Variants in PCOLCE observed in about 807,000 individuals in gnomAD.
PCOLCE encodes procollagen C-endopeptidase enhancer.
A neutral mutation model predicts 47.2 loss-of-function variants in PCOLCE; 33 were observed. The observed-to-expected ratio is 0.70, with a 90% CI of 0.53 to 0.93. The LOEUF (loss-of-function observed/expected upper bound fraction) is 0.93. Ranked by LOEUF, PCOLCE falls within the 40% of genes least tolerant of loss-of-function variation. The pLI is 0.00. For missense variants in PCOLCE, 584 were observed against 585.3 expected, an observed-to-expected ratio of 1.00 and a Z score of 0.02; for synonymous variants, 254 against 252.5, an observed-to-expected ratio of 1.01 and a Z score of -0.06.
chr7:100,602,977 G>T, intron 1 of PCOLCE: 1 of 216,872 alleles, frequency 4.6e-6, no homozygotes, highest in South Asian at 9.3e-5. Flanking sequence ...TGGAGCTCGC[G>T]GAGCCTGGCC....
rs139088599 is a variant in PCOLCE at position 100,605,117 on chromosome 7, G to C, written c.490G>C (p.Glu164Gln). ...GCACCAATTTTGCGGGGGGCGGCTG[G>C]AGAAGGCCCAGGGAACCCTGACCAC... Reference protein sequence around the residue: ...TEHQFCGGRLEKAQGTLTTPN... With the variant: ...TEHQFCGGRLQKAQGTLTTPN... The change falls in exon 4 of 9, where the codon GAG (glutamate) becomes CAG (glutamine). Residue 164 changes from glutamate (E) to glutamine (Q), a missense_variant. Coordinates refer to ENST00000223061, the MANE Select transcript of PCOLCE (RefSeq NM_002593.4). The surrounding 1 kb of genome is among the most constrained non-coding windows in gnomAD (Gnocchi z 6.1). 11 of 1,612,414 alleles carry C rather than the reference G, an allele frequency of 6.8e-6. No individual in the cohort carries two copies. The highest frequency in any genetic ancestry group is 5.3e-5 in the African/African-American group (4 of 74,872).
At chr7:100,602,652 C>T in intron 1 of PCOLCE, 101 bp downstream of exon 1, 1 of 767,608 alleles carries the variant, frequency 1.3e-6, no homozygotes, top group South Asian at 1.4e-5. Context: ...TGCTGACACA[C>T]CACTCCCCAG....
Position 100,605,037 on chromosome 7 carries a change from G to A in PCOLCE, c.464-54G>A. The A allele has an allele frequency of 7.0e-7, 1 of 1,419,950 alleles. No homozygotes were observed. Among genetic ancestry groups the A allele is most frequent in the East Asian group, 2.3e-5 (1 of 43,344 alleles). 88.0% of individuals were successfully genotyped at this position (1,419,950 alleles called of 1,614,324 possible). Reference sequence around the variant, plus strand: ...GCTCCCAGCCTAGAGTTCTCCTGAAGCTGACCGAGGGTCTCCACCGCCCCC... The same window carrying A: ...GCTCCCAGCCTAGAGTTCTCCTGAAACTGACCGAGGGTCTCCACCGCCCCC... On this transcript the variant is annotated intron_variant, in intron 3 of 8. Coordinates refer to ENST00000223061, the MANE Select transcript of PCOLCE (RefSeq NM_002593.4). The surrounding 1 kb of genome is among the most constrained non-coding windows in gnomAD (Gnocchi z 6.1).
chr7:100,607,234 C>T (rs1333095159), intron 6 of PCOLCE, among the ~76,000 whole-genome samples: 1 of 152,148 alleles, frequency 6.6e-6, no homozygotes, highest in Non-Finnish European at 1.5e-5. Context: ...CAGAGCAAAA[C>T]TCCATCTTAA....
chr7:100,607,345 C>T (rs546523286), intron 6 of PCOLCE, 107 bp from the exon 7 acceptor site: 75 of 862,820 alleles, frequency 8.7e-5, no homozygotes, highest in Middle Eastern at 7.4e-4. Flanking sequence ...GTGCTAGGAC[C>T]GGAAGCCTGA....
At position 100,603,452 on chromosome 7, in the gene PCOLCE, G is replaced by C; in HGVS notation, c.118G>C (p.Asp40His). 1 of 1,604,850 alleles carries C rather than the reference G, an allele frequency of 6.2e-7. No homozygotes were observed. Among genetic ancestry groups the C allele is most frequent in the East Asian group, 2.3e-5 (1 of 44,190 alleles). ...YTRPVFLCGG[D>H]VKGESGYVAS... is the part of the protein sequence containing the mutation. The stretch of plus-strand genomic sequence containing the variant: ...CAGACCCGTGTTCCTGTGCGGAGGG[G>C]ATGTGAAGGGGGAATCAGGTTACGT... The change falls in exon 2 of 9, where the codon GAT becomes CAT. Residue 40 changes from aspartate to histidine, a missense_variant. Coordinates refer to ENST00000223061, the MANE Select transcript of PCOLCE (RefSeq NM_002593.4).
At chr7:100,607,836 G>C (rs1477559472) in intron 8 of PCOLCE, 29 bp downstream of exon 8, 1 of 1,613,620 alleles carries the variant, frequency 6.2e-7, no homozygotes, top group African/African-American at 1.3e-5. Flanking sequence ...AATGGGGATG[G>C]GTCAAGCTAA....
chr7:100,608,128 G>A lies in PCOLCE; in HGVS notation c.*25G>A. On this transcript the variant is annotated 3_prime_UTR_variant, in exon 9 of 9. Transcript: ENST00000223061. ...AGACGCAGGCCAGCCCCGGCCCCTA[G>A]CCCTCAGGCCTTCTTTCTTATCCAA... is the stretch of plus-strand genomic sequence containing the variant. The A allele has an allele frequency of 1.9e-6, 3 of 1,597,168 alleles. No homozygotes were observed. Among genetic ancestry groups the A allele is most frequent in the Non-Finnish European group, 2.6e-6 (3 of 1,170,834 alleles).
In PCOLCE at chr7:100,605,904, G is replaced by C. The variant is rs1484946187; in HGVS notation, c.725+92G>C. ...GGGGCGGGGTTCAGCTAAAGGGACGGGATCTGAACCCCAGGGCTCCAAACC... is the reference window on the plus strand; with the variant it reads ...GGGGCGGGGTTCAGCTAAAGGGACGCGATCTGAACCCCAGGGCTCCAAACC... On this transcript the variant is annotated intron_variant, in intron 5 of 8. Transcript: ENST00000223061. This position sits in a 1 kb window ranked among gnomAD's most constrained non-coding sequence, Gnocchi z 6.1. The C allele has an allele frequency of 3.6e-6, 5 of 1,370,944 alleles. No individual in the cohort carries two copies. In the African/African-American group the frequency reaches 5.8e-5, roughly 16 times the overall value. 84.9% of individuals were successfully genotyped at this position (1,370,944 alleles called of 1,614,324 possible). A position where few individuals can be genotyped will look rare whatever the true frequency, so the allele number is the denominator to read the frequency against.
chr7:100,602,401 G>A lies in PCOLCE; in HGVS notation c.-56G>A. The A allele has an allele frequency of 8.4e-7, 1 of 1,189,720 alleles. No homozygotes were observed. The highest frequency in any genetic ancestry group is 1.2e-5 in the South Asian group (1 of 82,860). The allele number at this position is 1,189,720 out of a possible 1,614,324, so 73.7% of individuals were successfully genotyped here. A position where few individuals can be genotyped will look rare whatever the true frequency, so the allele number is the denominator to read the frequency against. ...CTGCCGCCACCGCTGCTGCTGCTCTGCAAAATTCAGCTGCTGCCTCTGTCT... is the reference window on the plus strand; with the variant it reads ...CTGCCGCCACCGCTGCTGCTGCTCTACAAAATTCAGCTGCTGCCTCTGTCT... On this transcript the variant is annotated 5_prime_UTR_variant, in exon 1 of 9. Coordinates refer to ENST00000223061, the MANE Select transcript of PCOLCE (RefSeq NM_002593.4).
chr7:100,604,577 G>T lies in PCOLCE; in HGVS notation c.463+360G>T. 2.5e-6 allele frequency: 1 copy of T among 397,624 alleles called. No individual in the cohort carries two copies. Among genetic ancestry groups the T allele is most frequent in the Admixed American group, 4.2e-5 (1 of 23,738 alleles). The allele number at this position is 397,624 out of a possible 1,614,324, so 24.6% of individuals were successfully genotyped here. On this transcript the variant is annotated intron_variant, in intron 3 of 8. Transcript: ENST00000223061. The surrounding 1 kb of genome is among the most constrained non-coding windows in gnomAD (Gnocchi z 6.4). ...CGAGGGGGCACCCCAGGGCTGGGGGGACTAGGTTCCTCCAACCCCGGGGGG... is the reference window on the plus strand; with the variant it reads ...CGAGGGGGCACCCCAGGGCTGGGGGTACTAGGTTCCTCCAACCCCGGGGGG...
In PCOLCE at chr7:100,605,107, G is replaced by C. The variant is rs1315833741; in HGVS notation, c.480G>C (p.Gly160=). 6.2e-7 allele frequency: 1 copy of C among 1,611,940 alleles called. No homozygotes were observed. The highest frequency in any genetic ancestry group is 2.2e-5 in the East Asian group (1 of 44,852). The change falls in exon 4 of 9, where the codon GGG becomes GGC. Residue 160 remains glycine, a synonymous_variant. Coordinates refer to ENST00000223061, the MANE Select transcript of PCOLCE (RefSeq NM_002593.4). This position sits in a 1 kb window ranked among gnomAD's most constrained non-coding sequence, Gnocchi z 6.1. ...CCTCCCCAGAGCACCAATTTTGCGG[G>C]GGGCGGCTGGAGAAGGCCCAGGGAA... ...ATSGTEHQFC[G]GRLEKAQGTL... is the part of the protein sequence containing the mutation.
chr7:100,604,966 C>T lies in PCOLCE; in HGVS notation c.464-125C>T, dbSNP rs1802686317. The T allele has an allele frequency of 1.6e-6, 1 of 641,024 alleles. No individual in the cohort carries two copies. The highest frequency in any genetic ancestry group is 1.8e-5 in the African/African-American group (1 of 54,720). The allele number at this position is 641,024 out of a possible 1,614,324, so 39.7% of individuals were successfully genotyped here. ...TGCCCCCATCTTACCTCCCCTTCTT[C>T]TCGTCCCCTCATCCTGAGCCCCAGA... On this transcript the variant is annotated intron_variant, in intron 3 of 8. Transcript: ENST00000223061. The surrounding 1 kb of genome is among the most constrained non-coding windows in gnomAD (Gnocchi z 6.4).
intron 6 of PCOLCE, among the ~76,000 whole-genome samples, chr7:100,607,126 A>G (rs1385707396): frequency 6.8e-6 from 1 of 147,762 alleles, no homozygotes; most frequent in East Asian, 1.9e-4. Context: ...GCGTGTGGTC[A>G]TAGCTACTCC....
At chr7:100,603,158 C>CG in intron 1 of PCOLCE, 1 of 350,758 alleles carries the variant, frequency 2.9e-6, no homozygotes, top group Non-Finnish European at 5.0e-6. Context: ...AGGAGGATTC[C>CG]GGGAATTCCT....
intron 1 of PCOLCE, 177 bp downstream of exon 1, chr7:100,602,728 C>T: frequency 3.3e-6 from 2 of 604,090 alleles, no homozygotes; most frequent in Non-Finnish European, 5.9e-6. Flanking sequence ...ACCTTGGTCT[C>T]CTGCAGGCCA....
Position 100,605,961 on chromosome 7 carries a change from G to C in PCOLCE, c.725+149G>C. 8 of 912,590 alleles carry C rather than the reference G, an allele frequency of 8.8e-6. No homozygotes were observed. The highest frequency in any genetic ancestry group is 1.1e-5 in the Non-Finnish European group (7 of 619,182). The allele number at this position is 912,590 out of a possible 1,614,324, so 56.5% of individuals were successfully genotyped here. A position where few individuals can be genotyped will look rare whatever the true frequency, so the allele number is the denominator to read the frequency against. ...GGGAGCAGGTTGGAGGCCAGGCAAA[G>C]AGGAGATTTGGCCCCGGGTCTGGGG... On this transcript the variant is annotated intron_variant, in intron 5 of 8. Transcript: ENST00000223061. This position sits in a 1 kb window ranked among gnomAD's most constrained non-coding sequence, Gnocchi z 6.1.
chr7:100,605,406 G>A lies in PCOLCE; in HGVS notation c.588+191G>A. 1 of 679,760 alleles carries A rather than the reference G, an allele frequency of 1.5e-6. No individual in the cohort carries two copies. The highest frequency in any genetic ancestry group is 4.1e-4 in the Middle Eastern group (1 of 2,426). 42.1% of individuals were successfully genotyped at this position (679,760 alleles called of 1,614,324 possible). A position where few individuals can be genotyped will look rare whatever the true frequency, so the allele number is the denominator to read the frequency against. On this transcript the variant is annotated intron_variant, in intron 4 of 8. Coordinates refer to ENST00000223061, the MANE Select transcript of PCOLCE (RefSeq NM_002593.4). This position sits in a 1 kb window ranked among gnomAD's most constrained non-coding sequence, Gnocchi z 6.1. ...AAATTACAACTGAGACAAGTCTCAG[G>A]AGAGCGAGGTACAGGGTCCTGGTAT...
At position 100,605,531 on chromosome 7, in the gene PCOLCE, G is replaced by C; in HGVS notation, c.589-145G>C. 1.0e-6 allele frequency: 1 copy of C among 978,314 alleles called. No homozygotes were observed. The highest frequency in any genetic ancestry group is 1.5e-6 in the Non-Finnish European group (1 of 662,792). The allele number at this position is 978,314 out of a possible 1,614,324, so 60.6% of individuals were successfully genotyped here. A position where few individuals can be genotyped will look rare whatever the true frequency, so the allele number is the denominator to read the frequency against. Reference sequence around the variant, plus strand: ...GTCCCATGGGTGTGTGTGGTCCTCCGTGCTGTGGTGTGAACGCCTTCAGGA... The same window carrying C: ...GTCCCATGGGTGTGTGTGGTCCTCCCTGCTGTGGTGTGAACGCCTTCAGGA... On this transcript the variant is annotated intron_variant, in intron 4 of 8. Coordinates refer to ENST00000223061, the MANE Select transcript of PCOLCE (RefSeq NM_002593.4). The surrounding 1 kb of genome is among the most constrained non-coding windows in gnomAD (Gnocchi z 6.1).
Sources: gnomAD v4.1 joint callset for allele counts (sites outside exome capture counted in the v4.1 genomes callset) on GRCh38, gnomAD v4.1.1 for gene constraint, Gnocchi (gnomAD v3.1) non-coding constraint, MANE v1.5 for transcripts, NCBI Gene and HGNC (gene_info 2026-07-23, HGNC 2026-07-21) for gene names.